Variants in WASF3 observed in about 807,000 individuals in gnomAD.
The protein encoded by WASF3 is WASP family member 3, also known as actin-binding protein WASF3.
In WASF3, 11 loss-of-function variants were observed where a neutral mutation model predicts 46.6. The ratio of observed to expected loss-of-function variants is 0.24; its 90% CI spans 0.15 to 0.39. WASF3 has a LOEUF of 0.39. Among genes scored for constraint, WASF3 ranks in the 10% least tolerant of loss-of-function variants. WASF3 has a pLI of 1.00. For synonymous variants in WASF3, 242 were observed against 259.7 expected, an observed-to-expected ratio of 0.93 and a Z score of 0.65; for missense variants, 576 against 669.8, an observed-to-expected ratio of 0.86 and a Z score of 1.55.
intron 2 of WASF3, chr13:26,622,525 G>A (rs1227005066): frequency 6.6e-6 from 1 of 152,212 alleles, no homozygotes; most frequent in African/African-American, 2.4e-5. Context: ...AGTAGTGGTG[G>A]TGTTCTTTTC....
chr13:26,685,584 T>G (rs1020902843), intron 9 of WASF3, 104 bp from the exon 10 acceptor site: 1 of 1,389,950 alleles, frequency 7.2e-7, no homozygotes, highest in Non-Finnish European at 9.8e-7. Context: ...CTTTCTGTCC[T>G]TAGTGTCAGT....
At position 26,651,049 on chromosome 13, in the gene WASF3, TA is replaced by T. The variant is rs1294350169; in HGVS notation, c.133+8649del. ...GAAACTCAGCAAATTCCTGAAAGTATAAAGAAAACCACGTCATAATAAAATT... is the reference window on the plus strand; with the variant it reads ...GAAACTCAGCAAATTCCTGAAAGTATAAGAAAACCACGTCATAATAAAATT... On this transcript the variant is annotated intron_variant, in intron 3 of 9. Coordinates refer to ENST00000335327, the MANE Select transcript of WASF3 (RefSeq NM_006646.6). Among the ~76,000 whole-genome samples, 6 of 152,260 alleles carry T rather than the reference TA, an allele frequency of 3.9e-5. No homozygotes were observed. The East Asian group carries it at 1.2e-3, about 29-fold the overall frequency.
chr13:26,541,268 C>T, the WASF3 span, among the ~76,000 whole-genome samples: 4 of 152,166 alleles, frequency 2.6e-5, no homozygotes, highest in Admixed American at 6.5e-5. Context: ...ACGTGTTGGG[C>T]GCCAAATCTC....
At chr13:26,655,902 C>G (rs964899368) in intron 3 of WASF3, among the ~76,000 whole-genome samples, 2 of 152,164 alleles carry the variant, frequency 1.3e-5, no homozygotes. Context: ...GTACCTTACT[C>G]TTTCTAGCAC....
chr13:26,621,708 C>T lies in WASF3; in HGVS notation c.-11+8650C>T, dbSNP rs569252009. Among the ~76,000 whole-genome samples the T allele has an allele frequency of 2.6e-5, 4 of 152,258 alleles. No homozygotes were observed. The South Asian group carries it at 8.3e-4, about 32-fold the overall frequency. On this transcript the variant is annotated intron_variant, in intron 2 of 9. Coordinates refer to ENST00000335327, the MANE Select transcript of WASF3 (RefSeq NM_006646.6). ...TGTGGTCTTTCTTCCTTCCCTCCCCCTAAATCACAACTTTTAATAAAGCTT... is the reference window on the plus strand; with the variant it reads ...TGTGGTCTTTCTTCCTTCCCTCCCCTTAAATCACAACTTTTAATAAAGCTT...
chr13:26,614,761 G>C (rs1230626539), intron 2 of WASF3, among the ~76,000 whole-genome samples: 1 of 152,126 alleles, frequency 6.6e-6, no homozygotes, highest in African/African-American at 2.4e-5. Flanking sequence ...GCTTTCAGGT[G>C]TGTCATCTCA....
chr13:26,550,751 CA>C, the WASF3 span, among the ~76,000 whole-genome samples: 7 of 152,156 alleles, frequency 4.6e-5, no homozygotes, highest in African/African-American at 1.7e-4. Flanking sequence ...TCCCCTTCCC[CA>C]CCCCAGCAAG....
intron 3 of WASF3, among the ~76,000 whole-genome samples, chr13:26,647,516 A>G (rs146321716): frequency 4.6e-5 from 7 of 152,304 alleles, no homozygotes; most frequent in South Asian, 4.1e-4. Flanking sequence ...TAGTTGATCA[A>G]TTAAAATCAC....
chr13:26,683,404 AG>A (rs1883302858), intron 9 of WASF3, among the ~76,000 whole-genome samples: 1 of 151,722 alleles, frequency 6.6e-6, no homozygotes, highest in African/African-American at 2.4e-5. Context: ...TGAGTGTGGG[AG>A]GTCAAGGCTG....
intron 2 of WASF3, chr13:26,622,798 G>C (rs757530269): frequency 6.6e-6 from 1 of 152,080 alleles, no homozygotes; most frequent in African/African-American, 2.4e-5. Flanking sequence ...TCTGTTTACT[G>C]TTTCTTTCTT....
At chr13:26,621,743 G>A (rs1246765730) in intron 2 of WASF3, among the ~76,000 whole-genome samples, 1 of 152,118 alleles carries the variant, frequency 6.6e-6, no homozygotes, top group Non-Finnish European at 1.5e-5. Context: ...TTAAAAAGAA[G>A]CAGTGTGGCT....
At position 26,600,104 on chromosome 13, in the gene WASF3, T is replaced by G. The variant is rs1880601524; in HGVS notation, c.-108-12857T>G. 2.6e-5 allele frequency among the ~76,000 whole-genome samples: 4 copies of G among 152,328 alleles called. No homozygotes were observed. In the South Asian group the frequency reaches 8.3e-4, roughly 32 times the overall value. ...TAAACTTCCCAGGGCTTGAGTGGTT[T>G]GACTAGGATTACTGTAGGAAAGATT... On this transcript the variant is annotated intron_variant, in intron 1 of 9. Transcript: ENST00000335327.
At chr13:26,633,202 T>TTTTTTTTC (rs1881709600) in intron 2 of WASF3, among the ~76,000 whole-genome samples, 2 of 130,556 alleles carry the variant, frequency 1.5e-5, no homozygotes, top group Non-Finnish European at 3.3e-5. Context: ...AGTTATTTCT[T>TTTTTTTTC]TTTTTTTTTT....
chr13:26,643,214 C>T (rs2137413371), intron 3 of WASF3, among the ~76,000 whole-genome samples: 1 of 152,204 alleles, frequency 6.6e-6, no homozygotes, highest in South Asian at 2.1e-4. Context: ...TGCTCCTTTT[C>T]AGTTTAGGTG....
At chr13:26,592,099 C>T (rs1484387717) in intron 1 of WASF3, among the ~76,000 whole-genome samples, 3 of 147,428 alleles carry the variant, frequency 2.0e-5, no homozygotes, top group Non-Finnish European at 4.4e-5. Context: ...ATTTCTGGAC[C>T]AATAAGCTTT....
In WASF3 at chr13:26,681,069, C is replaced by T. The variant is rs774826292; in HGVS notation, c.732C>T (p.Asp244=). Residue 244 remains aspartate (D), a synonymous_variant, in exon 8 of 10, where the codon GAC becomes GAT. Transcript: ENST00000335327. The stretch of plus-strand genomic sequence containing the variant: ...CAAATGCCAGGTCACATGCATCGGA[C>T]GTTACGGATTACTCTTACCCGGCTA... ...LSPDTRSHAS[D]VTDYSYPATP... 1.9e-5 allele frequency: 30 copies of T among 1,612,740 alleles called. No homozygotes were observed. In the East Asian group the frequency reaches 2.7e-4, roughly 14 times the overall value.
At chr13:26,570,269 CAA>C (rs1879596591) in intron 1 of WASF3, among the ~76,000 whole-genome samples, 1 of 152,096 alleles carries the variant, frequency 6.6e-6, no homozygotes, top group South Asian at 2.1e-4. Context: ...GCCTGGGGGA[CAA>C]GAGCAAAACT....
chr13:26,563,403 A>G (rs1196693662), intron 1 of WASF3, among the ~76,000 whole-genome samples: 2 of 151,910 alleles, frequency 1.3e-5, no homozygotes, highest in African/African-American at 4.8e-5. Flanking sequence ...GGTGGCTAAC[A>G]CCTGTAATCC....
In WASF3 at chr13:26,589,134, T is replaced by C. The variant is rs759175065; in HGVS notation, c.-108-23827T>C. Among the ~76,000 whole-genome samples, 28 of 152,370 alleles carry C rather than the reference T, an allele frequency of 1.8e-4. No individual in the cohort carries two copies. In the Middle Eastern group the frequency reaches 0.01, roughly 56 times the overall value. ...TTGCTTGAGGTTGAGCATTCTTCCA[T>C]GTCTGCTTTTCAAATACTCAGTAGA... On this transcript the variant is annotated intron_variant, in intron 1 of 9. Transcript: ENST00000335327.
Sources: allele counts gnomAD v4.1 joint callset (sites outside exome capture counted in the v4.1 genomes callset), GRCh38; gene constraint gnomAD v4.1.1; transcripts MANE v1.5; gene names NCBI Gene and HGNC (gene_info 2026-07-23, HGNC 2026-07-21).